Variants in GRM3 observed in about 807,000 individuals in gnomAD.
GRM3 encodes glutamate metabotropic receptor 3.
In GRM3, 26 loss-of-function variants were observed where a neutral mutation model predicts 70.5. The observed-to-expected ratio is 0.37, with a 90% CI of 0.27 to 0.51. GRM3 has a LOEUF of 0.51. GRM3 is among the 20% of genes least tolerant of loss of function. The pLI, the probability that GRM3 is intolerant of heterozygous loss-of-function variation, is 0.93. For synonymous variants in GRM3, 443 were observed against 434.9 expected (o/e 1.02, Z -0.23); for missense variants, 859 against 1,123.8 (o/e 0.76, Z 3.37).
chr7:86,699,955 A>G (rs1794912651), intron 1 of GRM3, among the ~76,000 whole-genome samples: 1 of 151,918 alleles, frequency 6.6e-6, no homozygotes, highest in Non-Finnish European at 1.5e-5. Context: ...TTCTACAAAG[A>G]TCTCTGGTTA....
intron 5 of GRM3, among the ~76,000 whole-genome samples, chr7:86,860,528 AG>A (rs1364226316): frequency 2.0e-5 from 3 of 152,194 alleles, no homozygotes; most frequent in African/African-American, 7.2e-5. Flanking sequence ...TAGGGGAAAA[AG>A]TAGTTGCAAA....
intron 3 of GRM3, among the ~76,000 whole-genome samples, chr7:86,826,692 A>G (rs1214783036): frequency 1.3e-5 from 2 of 152,220 alleles, no homozygotes; most frequent in East Asian, 3.8e-4. Context: ...TTTTCAAAAT[A>G]TATGTAGAAA....
intron 1 of GRM3, among the ~76,000 whole-genome samples, chr7:86,698,556 A>T (rs1187390145): frequency 7.0e-6 from 1 of 142,644 alleles, no homozygotes; most frequent in Non-Finnish European, 1.5e-5. Context: ...CATTATTATT[A>T]TATATATAAT....
intron 5 of GRM3, among the ~76,000 whole-genome samples, chr7:86,853,303 A>C (rs1373856770): frequency 6.6e-6 from 1 of 152,218 alleles, no homozygotes; most frequent in African/African-American, 2.4e-5. Context: ...ATTTCTATAG[A>C]TCACAATCAA....
At chr7:86,859,979 T>C (rs945382131) in intron 5 of GRM3, among the ~76,000 whole-genome samples, 19 of 152,176 alleles carry the variant, frequency 1.2e-4, no homozygotes, top group African/African-American at 4.6e-4. Context: ...AATAGTGGAA[T>C]TTATAAGGTC....
chr7:86,711,965 T>C (rs1044471397), intron 1 of GRM3, among the ~76,000 whole-genome samples: 5 of 152,014 alleles, frequency 3.3e-5, no homozygotes, highest in African/African-American at 1.2e-4. Context: ...GTTGAGAAAA[T>C]ACCTGTAATT....
intron 3 of GRM3, among the ~76,000 whole-genome samples, chr7:86,813,038 G>T (rs1465783058): frequency 6.6e-6 from 1 of 151,682 alleles, no homozygotes; most frequent in Non-Finnish European, 1.5e-5. Flanking sequence ...TCTAGTCACA[G>T]TGCCCCTCAT....
intron 3 of GRM3, among the ~76,000 whole-genome samples, chr7:86,793,906 C>G (rs1453185754): frequency 6.6e-6 from 1 of 151,656 alleles, no homozygotes. Flanking sequence ...AGTAATGATC[C>G]CCAATGAAGT....
intron 1 of GRM3, among the ~76,000 whole-genome samples, chr7:86,729,603 A>G (rs1000010616): frequency 1.3e-5 from 2 of 152,370 alleles, no homozygotes; most frequent in East Asian, 1.9e-4. Context: ...TGTAATTTAA[A>G]GAAAATTAAT....
At chr7:86,828,005 G>C (rs1040719686) in intron 3 of GRM3, among the ~76,000 whole-genome samples, 1 of 151,574 alleles carries the variant, frequency 6.6e-6, no homozygotes, top group Non-Finnish European at 1.5e-5. Context: ...CCAGGTACTC[G>C]GGAGGCTGAG....
At chr7:86,829,743 G>A (rs947118386) in intron 3 of GRM3, among the ~76,000 whole-genome samples, 4 of 152,098 alleles carry the variant, frequency 2.6e-5, no homozygotes, top group Non-Finnish European at 4.4e-5. Flanking sequence ...TAGCATCAAA[G>A]ATCACTGATC....
At chr7:86,705,048 T>A (rs1234678916) in intron 1 of GRM3, among the ~76,000 whole-genome samples, 1 of 151,782 alleles carries the variant, frequency 6.6e-6, no homozygotes, top group Non-Finnish European at 1.5e-5. Context: ...TTATATAGCA[T>A]TTTTTTGAAC....
chr7:86,831,269 C>G (rs1413244078), intron 3 of GRM3, among the ~76,000 whole-genome samples: 1 of 152,190 alleles, frequency 6.6e-6, no homozygotes, highest in Non-Finnish European at 1.5e-5. Context: ...CACAGTGTTA[C>G]ATGTGTGTGT....
At chr7:86,827,264 T>C (rs1322180038) in intron 3 of GRM3, among the ~76,000 whole-genome samples, 2 of 152,324 alleles carry the variant, frequency 1.3e-5, no homozygotes, top group Non-Finnish European at 2.9e-5. Context: ...TTGAAATAGG[T>C]AAAGATTTCT....
At chr7:86,673,613 T>C (rs1424304121) in intron 1 of GRM3, among the ~76,000 whole-genome samples, 1 of 152,164 alleles carries the variant, frequency 6.6e-6, no homozygotes, top group African/African-American at 2.4e-5. Flanking sequence ...GACATATATG[T>C]TTATTATTTC....
At chr7:86,808,929 G>A (rs1797853556) in intron 3 of GRM3, among the ~76,000 whole-genome samples, 1 of 142,994 alleles carries the variant, frequency 7.0e-6, no homozygotes, top group Non-Finnish European at 1.5e-5. Context: ...AAGGATTTTG[G>A]ACTTTACTCT....
At chr7:86,854,423 A>G (rs1424833770) in intron 5 of GRM3, among the ~76,000 whole-genome samples, 2 of 152,202 alleles carry the variant, frequency 1.3e-5, no homozygotes, top group African/African-American at 4.8e-5. Context: ...TGAAAGAATG[A>G]ACATGGTTAA....
At chr7:86,801,993 G>A (rs1797693792) in intron 3 of GRM3, among the ~76,000 whole-genome samples, 1 of 151,958 alleles carries the variant, frequency 6.6e-6, no homozygotes. Flanking sequence ...TTTTCACCCT[G>A]AATTTAAGCT....
rs1372002096 is a variant in GRM3, at chr7:86,787,114, C to T, written c.1322C>T (p.Thr441Met). Residue 441 changes from threonine (T) to methionine (M), a missense_variant and splice_region_variant, in exon 3 of 6, where the codon ACG (threonine) becomes ATG (methionine). Transcript: ENST00000361669. ...YKDYLLKINF[T>M]APFNPNKDAD... ...GATTACTTGCTGAAAATCAACTTCACGGGTAAGCCAAGAGCCTTTAAACAT... is the reference window on the plus strand; with the variant it reads ...GATTACTTGCTGAAAATCAACTTCATGGGTAAGCCAAGAGCCTTTAAACAT... The T allele has an allele frequency of 1.4e-5, 23 of 1,597,468 alleles. No individual in the cohort carries two copies. The highest frequency in any genetic ancestry group is 1.8e-5 in the Non-Finnish European group (21 of 1,170,248).
Sources: allele counts gnomAD v4.1 joint callset (sites outside exome capture counted in the v4.1 genomes callset), GRCh38; gene constraint gnomAD v4.1.1; transcripts MANE v1.5; gene names NCBI Gene and HGNC (gene_info 2026-07-23, HGNC 2026-07-21).